CELF4: variants seen among roughly 807,000 people sequenced by gnomAD.
CELF4 encodes CUGBP Elav-like family member 4.
A neutral mutation model predicts 59.9 loss-of-function variants in CELF4; 18 were observed. That is an observed-to-expected ratio of 0.30 (90% CI 0.21 to 0.45). The LOEUF (loss-of-function observed/expected upper bound fraction) is 0.45, where lower values mean the gene tolerates loss of function less well. CELF4 is among the 20% of genes least tolerant of loss of function. CELF4 has a pLI of 1.00. For synonymous variants in CELF4, 261 were observed against 267.1 expected (o/e 0.98, Z 0.22); for missense variants, 456 against 689.0 (o/e 0.66, Z 3.79).
chr18:37,365,766 G>A (rs1175011101), intron 2 of CELF4, among the ~76,000 whole-genome samples: 8 of 152,126 alleles, frequency 5.3e-5, no homozygotes, highest in African/African-American at 1.9e-4. Context: ...GATTACAGGT[G>A]TGAACCACCG....
intron 2 of CELF4, among the ~76,000 whole-genome samples, chr18:37,365,969 C>T (rs1034354460): frequency 2.6e-5 from 4 of 152,156 alleles, no homozygotes; most frequent in Admixed American, 2.0e-4. Flanking sequence ...TTTGTGTGAA[C>T]ATGACCTGGA....
chr18:37,363,538 G>T (rs141425484), intron 2 of CELF4, among the ~76,000 whole-genome samples: 5 of 152,172 alleles, frequency 3.3e-5, no homozygotes, highest in African/African-American at 4.8e-5. Flanking sequence ...GGTGGCAGAC[G>T]TTACCAGAGA....
intron 2 of CELF4, among the ~76,000 whole-genome samples, chr18:37,427,044 G>GT (rs1024441334): frequency 6.6e-6 from 1 of 151,964 alleles, no homozygotes; most frequent in Admixed American, 6.6e-5. Context: ...ACACGGGGGG[G>GT]GGGGAAGCTG....
chr18:37,394,938 A>T (rs1293051345), intron 2 of CELF4, among the ~76,000 whole-genome samples: 1 of 107,120 alleles, frequency 9.3e-6, no homozygotes, highest in Non-Finnish European at 1.9e-5. Context: ...TGCCATGCCC[A>T]AGACCCGCCC....
At chr18:37,481,192 AG>A (rs1329174925) in intron 2 of CELF4, among the ~76,000 whole-genome samples, 1 of 152,154 alleles carries the variant, frequency 6.6e-6, no homozygotes, top group African/African-American at 2.4e-5. Context: ...TGTTGGAATG[AG>A]GACACAAAAG....
intron 2 of CELF4, among the ~76,000 whole-genome samples, chr18:37,444,915 T>C (rs1043832052): frequency 2.6e-5 from 4 of 152,122 alleles, no homozygotes; most frequent in Non-Finnish European, 4.4e-5. Flanking sequence ...GAGGGTGCTG[T>C]TGGAACATCC....
chr18:37,309,236 G>A (rs72883675), intron 3 of CELF4, among the ~76,000 whole-genome samples: 1 of 152,310 alleles, frequency 6.6e-6, no homozygotes, highest in Non-Finnish European at 1.5e-5. Flanking sequence ...GGACAGCAAG[G>A]CTTGGAAGAC....
chr18:37,459,029 T>G (rs561756087), intron 2 of CELF4, among the ~76,000 whole-genome samples: 1 of 152,350 alleles, frequency 6.6e-6, no homozygotes, highest in Admixed American at 6.5e-5. Context: ...AAGCTTGCCT[T>G]GGTCAGAGAA....
intron 2 of CELF4, among the ~76,000 whole-genome samples, chr18:37,342,231 A>T (rs2098077569): frequency 9.2e-6 from 1 of 109,180 alleles, no homozygotes; most frequent in Non-Finnish European, 1.8e-5. Context: ...ATAACAGCAC[A>T]TGCACACACA....
intron 1 of CELF4, among the ~76,000 whole-genome samples, chr18:37,513,730 C>T (rs1345039924): frequency 6.6e-6 from 1 of 152,168 alleles, no homozygotes; most frequent in Non-Finnish European, 1.5e-5. Context: ...CTGGAATACC[C>T]TCCCTAGCAC....
intron 1 of CELF4, among the ~76,000 whole-genome samples, chr18:37,549,916 C>T (rs1013246248): frequency 2.6e-5 from 4 of 152,078 alleles, no homozygotes; most frequent in Non-Finnish European, 4.4e-5. Flanking sequence ...CATATCATAT[C>T]CCCAGCTCAG....
intron 2 of CELF4, among the ~76,000 whole-genome samples, chr18:37,370,033 T>G (rs1336973188): frequency 1.3e-5 from 2 of 152,216 alleles, no homozygotes; most frequent in African/African-American, 4.8e-5. Flanking sequence ...CCCAGCCTAG[T>G]CCTCTGGCTT....
chr18:37,484,519 T>C (rs1024204902), intron 2 of CELF4, among the ~76,000 whole-genome samples: 4 of 152,184 alleles, frequency 2.6e-5, no homozygotes, highest in African/African-American at 9.7e-5. Context: ...AATACCAAAA[T>C]ACAATACAAA....
At chr18:37,486,150 G>A (rs2099880962) in intron 1 of CELF4, 1 of 152,274 alleles carries the variant, frequency 6.6e-6, no homozygotes, top group African/African-American at 2.4e-5. Flanking sequence ...AACGTACCCT[G>A]TGTCCCCTGT....
At chr18:37,365,446 A>AGC (rs2098764673) in intron 2 of CELF4, among the ~76,000 whole-genome samples, 2 of 143,706 alleles carry the variant, frequency 1.4e-5, no homozygotes. Context: ...CAGAGGAGAG[A>AGC]ATTTCTTCAC....
intron 9 of CELF4, 36 bp downstream of exon 9, chr18:37,266,497 T>C (rs2077603874): frequency 6.4e-7 from 1 of 1,560,990 alleles, no homozygotes; most frequent in Non-Finnish European, 8.7e-7. Flanking sequence ...ATAAACGGAG[T>C]TGGGGAAGGA....
At chr18:37,556,831 C>G (rs2099984954) in intron 1 of CELF4, among the ~76,000 whole-genome samples, 1 of 152,196 alleles carries the variant, frequency 6.6e-6, no homozygotes, top group Non-Finnish European at 1.5e-5. Context: ...GAATAATGAA[C>G]AAACAGCCAC....
rs140306265 is a variant in CELF4, at chr18:37,369,421, C to G, written c.370-47540G>C. On this transcript the variant is annotated intron_variant, in intron 2 of 12. Coordinates refer to ENST00000420428, the MANE Select transcript of CELF4 (RefSeq NM_020180.4). ...GGAACCTATGAGTGGCTCTGGGGAC[C>G]AAATGTCACCTTTGCCCAGGTGGGT... Among the ~76,000 whole-genome samples the G allele has an allele frequency of 1.2e-4, 18 of 152,274 alleles. No individual in the cohort carries two copies. The East Asian group carries it at 2.9e-3, about 25-fold the overall frequency.
chr18:37,397,265 G>T (rs1022783123), intron 2 of CELF4, among the ~76,000 whole-genome samples: 1 of 146,310 alleles, frequency 6.8e-6, no homozygotes, highest in Non-Finnish European at 1.5e-5. Context: ...CATTTAAAGA[G>T]ATGCTTTCAT....
Sources: allele counts gnomAD v4.1 joint callset (sites outside exome capture counted in the v4.1 genomes callset), GRCh38; gene constraint gnomAD v4.1.1; transcripts MANE v1.5; gene names NCBI Gene and HGNC (gene_info 2026-07-23, HGNC 2026-07-21).